The following PCDH9 variants were observed in gnomAD, a reference collection of about 807,000 sequenced individuals.
The protein encoded by PCDH9 is protocadherin 9.
PCDH9 carries 24 observed loss-of-function variants against 70.6 expected under a neutral mutation model. That is an observed-to-expected ratio of 0.34 (90% CI 0.25 to 0.48). The LOEUF (loss-of-function observed/expected upper bound fraction) is 0.48. Among genes scored for constraint, PCDH9 ranks in the 20% least tolerant of loss-of-function variants. PCDH9 has a pLI of 0.99. For missense variants in PCDH9, 1,281 were observed against 1,503.6 expected, an observed-to-expected ratio of 0.85 and a Z score of 2.45; for synonymous variants, 562 against 558.5, an observed-to-expected ratio of 1.01 and a Z score of -0.09.
At chr13:66,323,898 G>A (rs184563866) in intron 4 of PCDH9, among the ~76,000 whole-genome samples, 231 of 152,096 alleles carry the variant, frequency 1.5e-3, no homozygotes, top group Non-Finnish European at 2.7e-3. Context: ...ATCCTTGGAA[G>A]GAATGACCAT....
intron 2 of PCDH9, among the ~76,000 whole-genome samples, chr13:67,189,621 T>C (rs2088856199): frequency 6.6e-6 from 1 of 151,902 alleles, no homozygotes; most frequent in African/African-American, 2.4e-5. Flanking sequence ...CAAAAATATA[T>C]ACAATTAAAA....
intron 3 of PCDH9, among the ~76,000 whole-genome samples, chr13:66,845,447 G>A (rs1380483935): frequency 9.9e-5 from 15 of 152,242 alleles, no homozygotes; most frequent in Admixed American, 9.8e-4. Context: ...GCAGGACCAG[G>A]CATTTCTGAG....
chr13:66,834,152 A>G (rs2080975862), intron 3 of PCDH9, among the ~76,000 whole-genome samples: 1 of 137,154 alleles, frequency 7.3e-6, no homozygotes, highest in African/African-American at 2.6e-5. Context: ...TTATATACCT[A>G]TGGTCTTTTT....
intron 4 of PCDH9, among the ~76,000 whole-genome samples, chr13:66,481,455 T>A (rs7993413): frequency 0.31 from 46,839 of 152,090 alleles, 7,316 homozygotes; most frequent in South Asian, 0.35. Flanking sequence ...ATTTTCTAGC[T>A]ATAAAGTATT....
At chr13:67,023,403 A>G (rs1322911937) in intron 2 of PCDH9, among the ~76,000 whole-genome samples, 1 of 152,194 alleles carries the variant, frequency 6.6e-6, no homozygotes, top group African/African-American at 2.4e-5. Context: ...TCTGTAGTAA[A>G]ATTCTGTCTT....
intron 2 of PCDH9, among the ~76,000 whole-genome samples, chr13:66,957,615 CATG>C (rs2083283902): frequency 6.6e-6 from 1 of 152,058 alleles, no homozygotes; most frequent in South Asian, 2.1e-4. Context: ...TAGATGAGGT[CATG>C]AAAATGGGGC....
At chr13:66,485,706 A>T (rs1373100878) in intron 4 of PCDH9, among the ~76,000 whole-genome samples, 2 of 151,522 alleles carry the variant, frequency 1.3e-5, no homozygotes, top group African/African-American at 4.8e-5. Context: ...CAACCCTATT[A>T]TTTCATTTTA....
At chr13:66,862,172 A>G (rs1320911122) in intron 3 of PCDH9, among the ~76,000 whole-genome samples, 4 of 152,202 alleles carry the variant, frequency 2.6e-5, no homozygotes, top group African/African-American at 4.8e-5. Flanking sequence ...TATGTTCTCA[A>G]ACTTCAATTA....
Position 66,718,326 on chromosome 13 carries a change from C to T in PCDH9, c.3139-86915G>A, listed in dbSNP as rs148476170. Reference sequence around the variant, plus strand: ...TTGTGTTACTCAAGCCCCACAAAATCCTGTTGTGTCAAGTTTTATTCGTGT... The same window carrying T: ...TTGTGTTACTCAAGCCCCACAAAATTCTGTTGTGTCAAGTTTTATTCGTGT... On this transcript the variant is annotated intron_variant, in intron 3 of 4. Coordinates refer to ENST00000377865, the MANE Select transcript of PCDH9 (RefSeq NM_203487.3). Among the ~76,000 whole-genome samples the T allele has an allele frequency of 1.4e-4, 22 of 152,144 alleles. No homozygotes were observed. The East Asian group carries it at 4.1e-3, about 28-fold the overall frequency.
At chr13:67,017,769 T>C (rs2084591365) in intron 2 of PCDH9, among the ~76,000 whole-genome samples, 1 of 152,176 alleles carries the variant, frequency 6.6e-6, no homozygotes, top group African/African-American at 2.4e-5. Flanking sequence ...AGTCTATGGG[T>C]AATTAAAATA....
chr13:67,182,699 C>T (rs2088649630), intron 2 of PCDH9, among the ~76,000 whole-genome samples: 1 of 152,110 alleles, frequency 6.6e-6, no homozygotes, highest in Admixed American at 6.6e-5. Flanking sequence ...TGTTACCACC[C>T]AGACTTAAGA....
intron 3 of PCDH9, among the ~76,000 whole-genome samples, chr13:66,889,399 T>C (rs1160376774): frequency 6.6e-6 from 1 of 152,206 alleles, no homozygotes; most frequent in Non-Finnish European, 1.5e-5. Flanking sequence ...TTTAAGTCAT[T>C]CGTCACATAT....
chr13:66,612,771 C>T (rs1240347074), intron 4 of PCDH9, among the ~76,000 whole-genome samples: 3 of 151,812 alleles, frequency 2.0e-5, no homozygotes, highest in African/African-American at 7.2e-5. Context: ...ATTTGAATGG[C>T]TGGGTGGGAA....
chr13:66,460,312 T>C (rs187132487), intron 4 of PCDH9, among the ~76,000 whole-genome samples: 122 of 152,038 alleles, frequency 8.0e-4, no homozygotes, highest in African/African-American at 2.6e-3. Flanking sequence ...ACTGCTACCT[T>C]TTCTAATTTG....
At chr13:66,633,261 C>T (rs2077595069) in intron 3 of PCDH9, among the ~76,000 whole-genome samples, 1 of 152,176 alleles carries the variant, frequency 6.6e-6, no homozygotes, top group Non-Finnish European at 1.5e-5. Context: ...CCTTCATGCA[C>T]ATGTATCTCA....
chr13:66,587,036 C>T (rs948642177), intron 4 of PCDH9, among the ~76,000 whole-genome samples: 1 of 151,964 alleles, frequency 6.6e-6, no homozygotes, highest in Admixed American at 6.6e-5. Context: ...CAGCTGGGCA[C>T]GGTAATACCA....
chr13:66,529,461 CA>C (rs1459744400), intron 4 of PCDH9, among the ~76,000 whole-genome samples: 1 of 152,020 alleles, frequency 6.6e-6, no homozygotes, highest in African/African-American at 2.4e-5. Flanking sequence ...CTTTGAACAG[CA>C]AAAGGGTCTG....
intron 3 of PCDH9, among the ~76,000 whole-genome samples, chr13:66,730,413 A>G (rs1173867289): frequency 2.6e-5 from 4 of 152,162 alleles, no homozygotes; most frequent in Non-Finnish European, 5.9e-5. Context: ...CTCATAATCT[A>G]GTGAACTACT....
intron 3 of PCDH9, among the ~76,000 whole-genome samples, chr13:66,713,606 A>G (rs1419965806): frequency 9.4e-6 from 1 of 106,760 alleles, no homozygotes; most frequent in Non-Finnish European, 1.9e-5. Flanking sequence ...GTGTATATAT[A>G]TATAAAGTGT....
Sources: gnomAD v4.1 joint callset for allele counts (sites outside exome capture counted in the v4.1 genomes callset) on GRCh38, gnomAD v4.1.1 for gene constraint, MANE v1.5 for transcripts, NCBI Gene and HGNC (gene_info 2026-07-23, HGNC 2026-07-21) for gene names.